NHSL3: variants seen among roughly 807,000 people sequenced by gnomAD.
The protein encoded by NHSL3 is NHS-like protein 3.
At chr1:32,759,253 G>C in the NHSL3 span, among the ~76,000 whole-genome samples, 1,049 of 152,300 alleles carry the variant, frequency 6.9e-3, 12 homozygotes, top group Non-Finnish European at 0.011. Flanking sequence ...CTGAGGCCCA[G>C]AGAGGCCAAT....
chr1:32,764,878 T>G, the NHSL3 span, among the ~76,000 whole-genome samples: 1 of 152,216 alleles, frequency 6.6e-6, no homozygotes, highest in African/African-American at 2.4e-5. Flanking sequence ...CCACCTCACC[T>G]CCTTTTTTAC....
At chr1:32,764,784 A>G in the NHSL3 span, among the ~76,000 whole-genome samples, 2 of 152,180 alleles carry the variant, frequency 1.3e-5, no homozygotes, top group Non-Finnish European at 1.5e-5. Flanking sequence ...AAGAGGAGTT[A>G]TTAGCCTTAT....
At chr1:32,755,669 G>C in the NHSL3 span, among the ~76,000 whole-genome samples, 2 of 152,162 alleles carry the variant, frequency 1.3e-5, no homozygotes, top group Non-Finnish European at 2.9e-5. Context: ...ACTTGTCCAA[G>C]GTCATTTGCC....
the NHSL3 span, among the ~76,000 whole-genome samples, chr1:32,765,190 G>C: frequency 6.6e-6 from 1 of 152,202 alleles, no homozygotes; most frequent in Non-Finnish European, 1.5e-5. Context: ...CATCTCCCTG[G>C]CTTCCCAGGA....
chr1:32,755,174 G>T, the NHSL3 span, among the ~76,000 whole-genome samples: 1 of 152,378 alleles, frequency 6.6e-6, no homozygotes, highest in South Asian at 2.1e-4. Context: ...GCTATCGAGA[G>T]TGCCTAGTTA....
chr1:32,741,975 C>G, the NHSL3 span: 4 of 1,151,718 alleles, frequency 3.5e-6, no homozygotes, highest in East Asian at 3.9e-5. The surrounding 1 kb of genome is among the most constrained non-coding windows in gnomAD (Gnocchi z 4.3). Flanking sequence ...GCGCGCCCCC[C>G]GCCGCACCTG....
At chr1:32,748,032 C>T in the NHSL3 span, among the ~76,000 whole-genome samples, 1 of 152,330 alleles carries the variant, frequency 6.6e-6, no homozygotes, top group African/African-American at 2.4e-5. Flanking sequence ...ATAGCTTGAA[C>T]CCAGGAGGCA....
chr1:32,742,011 C>T, the NHSL3 span: 7 of 1,225,984 alleles, frequency 5.7e-6, no homozygotes, highest in Middle Eastern at 3.1e-4. Context: ...GGAACCCGGG[C>T]GGCCCCCCGC....
chr1:32,752,944 CACACACATATATATATATAT>C, the NHSL3 span, among the ~76,000 whole-genome samples: 27 of 25,536 alleles, frequency 1.1e-3, no homozygotes, highest in Admixed American at 3.9e-3. Context: ...CACACACACA[CACACACATATATATATATAT>C]ATATTTTGGT....
the NHSL3 span, among the ~76,000 whole-genome samples, chr1:32,756,917 C>T: frequency 3.3e-5 from 5 of 151,530 alleles, no homozygotes; most frequent in East Asian, 1.9e-4. Flanking sequence ...TGCAGCGAGC[C>T]GAGATTGCGC....
the NHSL3 span, chr1:32,742,218 CG>C: frequency 1.5e-5 from 19 of 1,237,814 alleles, no homozygotes; most frequent in South Asian, 7.2e-5. Flanking sequence ...GGGCTGAGCG[CG>C]GGGGGGCGTC....
At chr1:32,771,852 C>T in the NHSL3 span, 24 of 1,601,508 alleles carry the variant, frequency 1.5e-5, no homozygotes, top group South Asian at 7.8e-5. Context: ...GGCTGCGCTC[C>T]GTGGGTGCTC....
the NHSL3 span, chr1:32,774,587 T>A: frequency 6.6e-6 from 1 of 152,444 alleles, no homozygotes; most frequent in Non-Finnish European, 1.5e-5. Flanking sequence ...AACCTGGGAA[T>A]GGCTGGAGGT....
At chr1:32,756,478 C>CCG in the NHSL3 span, among the ~76,000 whole-genome samples, 9 of 114,048 alleles carry the variant, frequency 7.9e-5, 1 homozygote, top group Non-Finnish European at 1.2e-4. Flanking sequence ...AGACCCCCCC[C>CCG]CCCCGCCCAT....
At chr1:32,772,180 G>A in the NHSL3 span, 4 of 1,613,332 alleles carry the variant, frequency 2.5e-6, no homozygotes, top group Non-Finnish European at 3.4e-6. Flanking sequence ...GAATCTGGTG[G>A]CAGAACTCCG....
the NHSL3 span, among the ~76,000 whole-genome samples, chr1:32,760,586 GTGTT>G: frequency 3.2e-4 from 44 of 139,310 alleles, no homozygotes; most frequent in South Asian, 0.01. Context: ...GTGTGTGTGT[GTGTT>G]TTTTTTTTTT....
the NHSL3 span, among the ~76,000 whole-genome samples, chr1:32,768,356 C>A: frequency 1.1e-4 from 17 of 152,032 alleles, no homozygotes; most frequent in Admixed American, 9.8e-4. Context: ...CACTTTGGGA[C>A]GCTGAGGTGG....
chr1:32,743,415 A>G, the NHSL3 span, among the ~76,000 whole-genome samples: 2 of 152,156 alleles, frequency 1.3e-5, no homozygotes, highest in East Asian at 1.9e-4. Flanking sequence ...CACACATAGA[A>G]GTGAGGGTGC....
At chr1:32,742,251 C>T in the NHSL3 span, 1 of 1,230,940 alleles carries the variant, frequency 8.1e-7, no homozygotes, top group Non-Finnish European at 1.0e-6. Context: ...CGAGGGGGCT[C>T]TGCCGGGGGT....
Sources: allele counts gnomAD v4.1 joint callset (sites outside exome capture counted in the v4.1 genomes callset), GRCh38; gene constraint gnomAD v4.1.1; non-coding constraint Gnocchi (gnomAD v3.1); transcripts MANE v1.5; gene names NCBI Gene and HGNC (gene_info 2026-07-23, HGNC 2026-07-21).